The following PCDH15 variants were observed in gnomAD, a reference collection of about 807,000 sequenced individuals.
PCDH15 encodes protocadherin-15.
PCDH15 carries 129 observed loss-of-function variants against 178.5 expected under a neutral mutation model. That is an observed-to-expected ratio of 0.72 (90% CI 0.63 to 0.84). The LOEUF is 0.84. Among genes scored for constraint, PCDH15 ranks in the 40% least tolerant of loss-of-function variants. PCDH15 has a pLI of 0.00. For synonymous variants in PCDH15, 800 were observed against 732.0 expected, an observed-to-expected ratio of 1.09 and a Z score of -1.50; for missense variants, 2,230 against 2,099.9, an observed-to-expected ratio of 1.06 and a Z score of -1.21.
At chr10:54,284,765 T>C (rs192440182) in intron 8 of PCDH15, among the ~76,000 whole-genome samples, 137 of 152,322 alleles carry the variant, frequency 9.0e-4, no homozygotes, top group African/African-American at 2.7e-3. Context: ...CTCATTCCAA[T>C]GTAAATATTC....
intron 3 of PCDH15, among the ~76,000 whole-genome samples, chr10:54,432,042 CA>C (rs1488642395): frequency 6.6e-6 from 1 of 151,794 alleles, no homozygotes; most frequent in African/African-American, 2.4e-5. Context: ...ATGAAAACTA[CA>C]AAAGACTGAT....
chr10:55,548,825 G>A (rs1272490861), intron 2 of PCDH15, among the ~76,000 whole-genome samples: 1 of 152,136 alleles, frequency 6.6e-6, no homozygotes, highest in African/African-American at 2.4e-5. Context: ...AAGAATTCAG[G>A]AAGTAAGGGT....
At chr10:54,104,313 A>C (rs145435439) in intron 15 of PCDH15, among the ~76,000 whole-genome samples, 2,936 of 152,228 alleles carry the variant, frequency 0.019, 43 homozygotes, top group East Asian at 0.039. Context: ...ACACATCCCC[A>C]TTCCAAGTTG....
intron 2 of PCDH15, among the ~76,000 whole-genome samples, chr10:54,593,212 G>T (rs114286418): frequency 6.6e-6 from 1 of 152,154 alleles, no homozygotes; most frequent in East Asian, 1.9e-4. Flanking sequence ...TTTGTTGCCT[G>T]TGCTTTTGCT....
At chr10:54,190,522 G>C (rs1018922362) in intron 11 of PCDH15, among the ~76,000 whole-genome samples, 3 of 152,134 alleles carry the variant, frequency 2.0e-5, no homozygotes, top group Admixed American at 2.0e-4. Context: ...TTCTGCCTCA[G>C]CCTTTCAATT....
intron 2 of PCDH15, among the ~76,000 whole-genome samples, chr10:55,075,073 T>C (rs1378716724): frequency 2.0e-5 from 3 of 152,170 alleles, no homozygotes; most frequent in African/African-American, 7.2e-5. Context: ...CATTGGTCTA[T>C]GTGTCTGTTT....
At chr10:54,115,670 G>T (rs1477401507) in intron 15 of PCDH15, among the ~76,000 whole-genome samples, 4 of 152,200 alleles carry the variant, frequency 2.6e-5, no homozygotes, top group Admixed American at 2.6e-4. Context: ...TACTTGGACT[G>T]CACTGAAGTT....
intron 8 of PCDH15, among the ~76,000 whole-genome samples, chr10:54,292,361 T>C (rs1406119299): frequency 1.3e-5 from 2 of 152,122 alleles, no homozygotes; most frequent in East Asian, 3.9e-4. Context: ...CCACAGCCAA[T>C]ATCATACTGG....
At chr10:54,763,131 A>G (rs1948092841) in intron 1 of PCDH15, among the ~76,000 whole-genome samples, 1 of 152,062 alleles carries the variant, frequency 6.6e-6, no homozygotes, top group African/African-American at 2.4e-5. Context: ...GGATGAACCC[A>G]CCCTGCTCTT....
intron 2 of PCDH15, among the ~76,000 whole-genome samples, chr10:54,910,090 C>T (rs1284474099): frequency 6.6e-6 from 1 of 152,168 alleles, no homozygotes; most frequent in African/African-American, 2.4e-5. Flanking sequence ...GTGGAGGTGG[C>T]ATAGTTAGCT....
intron 8 of PCDH15, among the ~76,000 whole-genome samples, chr10:54,290,494 G>C (rs2059330197): frequency 6.6e-6 from 1 of 152,068 alleles, no homozygotes; most frequent in African/African-American, 2.4e-5. Context: ...CAGTTAACTG[G>C]CAAAATAACC....
Position 54,176,255 on chromosome 10 carries a change from C to G in PCDH15, c.1590+7189G>C, listed in dbSNP as rs534657955. Among the ~76,000 whole-genome samples the G allele has an allele frequency of 2.0e-5, 3 of 152,206 alleles. No homozygotes were observed. The South Asian group carries it at 6.2e-4, about 31-fold the overall frequency. On this transcript the variant is annotated intron_variant, in intron 13 of 37. Transcript: ENST00000644397. Reference sequence around the variant, plus strand: ...ATTAAAAGTTTTTGTCTTAAAGGAACTTACAGATCAGTAGGGGAGACAGAC... The same window carrying G: ...ATTAAAAGTTTTTGTCTTAAAGGAAGTTACAGATCAGTAGGGGAGACAGAC...
chr10:54,880,725 GA>G (rs1458816024), intron 3 of PCDH15, among the ~76,000 whole-genome samples: 5 of 149,844 alleles, frequency 3.3e-5, no homozygotes, highest in Admixed American at 6.7e-5. Context: ...TAAATCAAAA[GA>G]AAATATATTA....
intron 16 of PCDH15, among the ~76,000 whole-genome samples, chr10:54,080,516 A>G (rs575362802): frequency 2.2e-4 from 33 of 152,292 alleles, no homozygotes; most frequent in African/African-American, 7.2e-4. Flanking sequence ...CAAAACATAA[A>G]TTGTTTCTAA....
intron 1 of PCDH15, among the ~76,000 whole-genome samples, chr10:54,756,097 A>ACAC (rs1555182911): frequency 6.9e-6 from 1 of 144,506 alleles, no homozygotes; most frequent in African/African-American, 2.5e-5. Context: ...ACACACACAC[A>ACAC]AAATTAGCTG....
intron 17 of PCDH15, among the ~76,000 whole-genome samples, chr10:54,077,979 C>T (rs1388549890): frequency 1.3e-5 from 2 of 152,120 alleles, no homozygotes; most frequent in Admixed American, 6.6e-5. Flanking sequence ...AGGAGAATCA[C>T]TTGAACCCGG....
At chr10:54,981,706 A>G (rs1839235860) in intron 2 of PCDH15, among the ~76,000 whole-genome samples, 1 of 152,110 alleles carries the variant, frequency 6.6e-6, no homozygotes, top group African/African-American at 2.4e-5. Context: ...AATATTGATG[A>G]AATTTGCTGC....
chr10:54,153,027 C>G, intron 14 of PCDH15, 73 bp downstream of exon 14: 2 of 1,509,630 alleles, frequency 1.3e-6, no homozygotes, highest in Non-Finnish European at 1.8e-6. Context: ...GAATACTTGC[C>G]GCGCTTCTTA....
At chr10:54,861,564 A>G (rs530051990) in intron 3 of PCDH15, among the ~76,000 whole-genome samples, 5 of 152,310 alleles carry the variant, frequency 3.3e-5, no homozygotes, top group African/African-American at 1.2e-4. Context: ...AATAAAGGCC[A>G]TATATGACAA....
Sources: allele counts gnomAD v4.1 joint callset (sites outside exome capture counted in the v4.1 genomes callset), GRCh38; gene constraint gnomAD v4.1.1; transcripts MANE v1.5; gene names NCBI Gene and HGNC (gene_info 2026-07-23, HGNC 2026-07-21).